Variants in XKR9 observed in about 807,000 individuals in gnomAD.
XKR9 encodes XK related 9, also known as XK-related protein 9.
In XKR9, 32 loss-of-function variants were observed where a neutral mutation model predicts 32.0. The observed-to-expected ratio is 1.00, with a 90% CI of 0.76 to 1.34. The LOEUF is 1.34. Ranked by LOEUF, XKR9 falls within the 40% of genes most tolerant of loss-of-function variation. XKR9 has a pLI of 0.00. For missense variants in XKR9, 546 were observed against 429.7 expected (o/e 1.27, Z -2.39); for synonymous variants, 168 against 143.4 (o/e 1.17, Z -1.22).
intron 2 of XKR9, among the ~76,000 whole-genome samples, chr8:70,758,287 A>G (rs1353953553): frequency 6.6e-6 from 1 of 151,430 alleles, no homozygotes; most frequent in Non-Finnish European, 1.5e-5. Context: ...TCTCTCTCTC[A>G]CTCTTACCCT....
At chr8:70,756,724 C>G (rs1027127157) in intron 2 of XKR9, among the ~76,000 whole-genome samples, 5 of 152,170 alleles carry the variant, frequency 3.3e-5, no homozygotes, top group Non-Finnish European at 7.3e-5. Context: ...TCTTGCTGAA[C>G]TTATTCACTA....
At chr8:70,803,639 T>C in the XKR9 span, among the ~76,000 whole-genome samples, 1 of 152,124 alleles carries the variant, frequency 6.6e-6, no homozygotes, top group Non-Finnish European at 1.5e-5. Context: ...CCTTTAGAGG[T>C]TTGATTGTGG....
intron 2 of XKR9, among the ~76,000 whole-genome samples, chr8:70,767,427 T>A (rs1807392990): frequency 6.6e-6 from 1 of 152,078 alleles, no homozygotes; most frequent in Admixed American, 6.6e-5. Context: ...TTTGTATTTC[T>A]GTGAGATCAG....
intron 2 of XKR9, among the ~76,000 whole-genome samples, chr8:70,785,382 T>C (rs1349385884): frequency 6.6e-6 from 1 of 151,968 alleles, no homozygotes; most frequent in Non-Finnish European, 1.5e-5. Context: ...ATTTTATTTA[T>C]TTGAATCTTC....
chr8:70,704,425 A>C (rs1215937609), intron 3 of XKR9, among the ~76,000 whole-genome samples: 1 of 152,158 alleles, frequency 6.6e-6, no homozygotes, highest in Non-Finnish European at 1.5e-5. Context: ...TTTAAGAGAC[A>C]CTTAACATGT....
At chr8:70,804,987 G>A in the XKR9 span, among the ~76,000 whole-genome samples, 1 of 152,198 alleles carries the variant, frequency 6.6e-6, no homozygotes, top group African/African-American at 2.4e-5. Flanking sequence ...CAATGGGTGA[G>A]GCCAAGATCG....
downstream of XKR9, among the ~76,000 whole-genome samples, chr8:70,792,033 CT>C (rs1807770488): frequency 2.0e-5 from 3 of 152,066 alleles, no homozygotes; most frequent in South Asian, 6.2e-4. Flanking sequence ...CACTTCTCCT[CT>C]GTCCAAGCCT....
At chr8:70,919,488 A>T in the XKR9 span, among the ~76,000 whole-genome samples, 12,790 of 152,206 alleles carry the variant, frequency 0.084, 613 homozygotes, top group African/African-American at 0.098. Flanking sequence ...ATAGATAATA[A>T]TGAATGTCAG....
At chr8:71,030,299 G>T in the XKR9 span, among the ~76,000 whole-genome samples, 1 of 152,022 alleles carries the variant, frequency 6.6e-6, no homozygotes, top group Non-Finnish European at 1.5e-5. Context: ...TAGTTATATA[G>T]TCCTTTCCAG....
the XKR9 span, among the ~76,000 whole-genome samples, chr8:71,007,156 G>A: frequency 6.6e-6 from 1 of 152,164 alleles, no homozygotes; most frequent in Non-Finnish European, 1.5e-5. Context: ...GGGATTAGAG[G>A]GTGGTGGAAG....
chr8:70,885,135 A>T, the XKR9 span, among the ~76,000 whole-genome samples: 1 of 151,854 alleles, frequency 6.6e-6, no homozygotes, highest in East Asian at 1.9e-4. Flanking sequence ...CTGGGGTGCT[A>T]ATGTAAGTGA....
intron 2 of XKR9, among the ~76,000 whole-genome samples, chr8:70,741,848 G>C (rs1806989683): frequency 6.6e-6 from 1 of 152,034 alleles, no homozygotes; most frequent in African/African-American, 2.4e-5. Flanking sequence ...ATCATATGGT[G>C]GTTATTTTGA....
chr8:71,049,234 A>C, the XKR9 span, among the ~76,000 whole-genome samples: 4 of 152,198 alleles, frequency 2.6e-5, no homozygotes, highest in East Asian at 7.7e-4. Context: ...ATGGTATAAC[A>C]TTGTACTTGA....
the XKR9 span, among the ~76,000 whole-genome samples, chr8:70,908,763 T>C: frequency 6.6e-6 from 1 of 152,248 alleles, no homozygotes; most frequent in Non-Finnish European, 1.5e-5. Flanking sequence ...TTCTTTTGAT[T>C]ATTTTTAACC....
the XKR9 span, among the ~76,000 whole-genome samples, chr8:71,056,567 G>A: frequency 6.6e-6 from 1 of 152,114 alleles, no homozygotes; most frequent in Non-Finnish European, 1.5e-5. Context: ...GTGAACTTGA[G>A]GCATATAGAA....
rs1169985105 is a variant in XKR9, at chr8:70,686,753, A to G, written c.272+5423A>G. 2.0e-5 allele frequency among the ~76,000 whole-genome samples: 3 copies of G among 152,022 alleles called. No homozygotes were observed. In the East Asian group the frequency reaches 5.8e-4, roughly 29 times the overall value. Reference sequence around the variant, plus strand: ...TGGTTTCTGAGGAGAAAGTGAATGTAATTTTTACCTTTACTCCTTTAGGTG... The same window carrying G: ...TGGTTTCTGAGGAGAAAGTGAATGTGATTTTTACCTTTACTCCTTTAGGTG... On this transcript the variant is annotated intron_variant, in intron 3 of 4. Transcript: ENST00000408926.
At chr8:70,878,680 G>A in the XKR9 span, among the ~76,000 whole-genome samples, 2 of 151,874 alleles carry the variant, frequency 1.3e-5, no homozygotes, top group African/African-American at 2.4e-5. Flanking sequence ...CTACAAAGAG[G>A]CTTAGACTCC....
chr8:71,043,044 G>GA, the XKR9 span, among the ~76,000 whole-genome samples: 1 of 152,188 alleles, frequency 6.6e-6, no homozygotes, highest in African/African-American at 2.4e-5. Context: ...TTTAGAGCAA[G>GA]AAACATAGTG....
the XKR9 span, among the ~76,000 whole-genome samples, chr8:70,965,613 A>G: frequency 6.6e-6 from 1 of 152,132 alleles, no homozygotes; most frequent in African/African-American, 2.4e-5. Flanking sequence ...GCTGTTTATT[A>G]CTGACTGAAT....
Sources: gnomAD v4.1 joint callset for allele counts (sites outside exome capture counted in the v4.1 genomes callset) on GRCh38, gnomAD v4.1.1 for gene constraint, MANE v1.5 for transcripts, NCBI Gene and HGNC (gene_info 2026-07-23, HGNC 2026-07-21) for gene names.